Variants in ADGRV1 observed in about 807,000 individuals in gnomAD.
The protein encoded by ADGRV1 is adhesion G protein-coupled receptor V1.
In ADGRV1, 359 loss-of-function variants were observed where a neutral mutation model predicts 596.2. The ratio of observed to expected loss-of-function variants is 0.60; its 90% confidence interval spans 0.55 to 0.66. The LOEUF (loss-of-function observed/expected upper bound fraction) is 0.66, where lower values mean the gene tolerates loss of function less well. Ranked by LOEUF, ADGRV1 falls within the 30% of genes least tolerant of loss-of-function variation. The pLI is 0.00. For missense variants in ADGRV1, 7,274 were observed against 7,575.6 expected, an observed-to-expected ratio of 0.96 and a Z score of 1.48; for synonymous variants, 2,681 against 2,679.2, an observed-to-expected ratio of 1.00 and a Z score of -0.02.
intron 33 of ADGRV1, among the ~76,000 whole-genome samples, chr5:90,695,062 A>G (rs1747014580): frequency 6.6e-6 from 1 of 152,214 alleles, no homozygotes; most frequent in Non-Finnish European, 1.5e-5. Context: ...ACAACCATAC[A>G]TGTTGGTAAG....
chr5:90,642,819 T>G (rs1338796221), intron 12 of ADGRV1, 37 bp from the exon 13 acceptor site: 3 of 1,600,402 alleles, frequency 1.9e-6, no homozygotes, highest in Non-Finnish European at 2.6e-6. Context: ...AAGAATGATC[T>G]CAAAGGGTTT....
chr5:90,701,434 A>T (rs1747895003), intron 34 of ADGRV1, among the ~76,000 whole-genome samples: 1 of 152,066 alleles, frequency 6.6e-6, no homozygotes, highest in Non-Finnish European at 1.5e-5. Context: ...AAAGAGACAG[A>T]ATAAATACCT....
At chr5:91,145,285 CAA>C (rs904234805) in intron 87 of ADGRV1, among the ~76,000 whole-genome samples, 3 of 152,240 alleles carry the variant, frequency 2.0e-5, no homozygotes, top group South Asian at 2.1e-4. Context: ...TAAAAACAAA[CAA>C]GAGGGAGAAT....
intron 58 of ADGRV1, chr5:90,763,098 A>G (rs1036840853): frequency 1.5e-5 from 7 of 470,898 alleles, no homozygotes; most frequent in Admixed American, 6.7e-5. Flanking sequence ...CCTAATTGCA[A>G]GAGAAGACAG....
At chr5:90,897,640 T>G (rs2150617903) in intron 83 of ADGRV1, among the ~76,000 whole-genome samples, 1 of 152,294 alleles carries the variant, frequency 6.6e-6, no homozygotes, top group African/African-American at 2.4e-5. Flanking sequence ...TATTGTAATA[T>G]CATTCAGGAC....
intron 4 of ADGRV1, among the ~76,000 whole-genome samples, chr5:90,620,594 T>G (rs1337065226): frequency 2.0e-5 from 3 of 152,152 alleles, no homozygotes; most frequent in East Asian, 1.9e-4. Flanking sequence ...AGAAGCTCTT[T>G]AGTTTAATTA....
chr5:91,095,228 G>T (rs1002698066), intron 86 of ADGRV1, among the ~76,000 whole-genome samples: 1 of 151,690 alleles, frequency 6.6e-6, no homozygotes, highest in Non-Finnish European at 1.5e-5. Flanking sequence ...TTTACACGGG[G>T]TCTCACTCTG....
chr5:90,843,428 C>CA (rs529330156), intron 78 of ADGRV1, among the ~76,000 whole-genome samples: 244 of 9,880 alleles, frequency 0.025, no homozygotes, highest in African/African-American at 0.029. Context: ...TATTATTCAG[C>CA]AAATAGTGTT....
At position 90,644,781 on chromosome 5, in the gene ADGRV1, CACAAGATGTATTTCCTGT is replaced by C; in HGVS notation, c.2816_2833del (p.Asp939_Gln944del). 5.6e-6 allele frequency: 9 copies of C among 1,611,536 alleles called. No individual in the cohort carries two copies. Among genetic ancestry groups the C allele is most frequent in the Non-Finnish European group, 7.6e-6 (9 of 1,179,044 alleles). On this transcript the variant is annotated inframe_deletion, in exon 15 of 90. Coordinates refer to ENST00000405460, the MANE Select transcript of ADGRV1 (RefSeq NM_032119.4). Reference sequence around the variant, plus strand: ...TCATGGGTGGTTAGTCCAGACTTTACACAAGATGTATTTCCTGTACAAGGGACTGTTGTCTTTGGAGAT... The same window carrying C: ...TCATGGGTGGTTAGTCCAGACTTTACACAAGGGACTGTTGTCTTTGGAGAT...
intron 75 of ADGRV1, among the ~76,000 whole-genome samples, chr5:90,820,759 C>T (rs2150283310): frequency 6.6e-6 from 1 of 151,796 alleles, no homozygotes; most frequent in East Asian, 2.0e-4. Flanking sequence ...TCTCTTCTGG[C>T]TTGTAGGGTT....
chr5:90,966,368 T>A (rs1206689779), intron 84 of ADGRV1, among the ~76,000 whole-genome samples: 1 of 151,672 alleles, frequency 6.6e-6, no homozygotes, highest in East Asian at 1.9e-4. Flanking sequence ...CCATCTCTAC[T>A]AAAAATATTA....
intron 83 of ADGRV1, among the ~76,000 whole-genome samples, chr5:90,959,904 C>G (rs1223105517): frequency 6.6e-6 from 1 of 152,054 alleles, no homozygotes; most frequent in Non-Finnish European, 1.5e-5. Context: ...CTTTGGGAGG[C>G]TAAGGTGGGC....
chr5:91,048,507 C>T (rs1786030064), intron 85 of ADGRV1, among the ~76,000 whole-genome samples: 1 of 152,210 alleles, frequency 6.6e-6, no homozygotes, highest in Non-Finnish European at 1.5e-5. Context: ...AACTCTTCAT[C>T]CCTTCCCCTC....
chr5:91,144,202 C>G (rs1795345916), intron 87 of ADGRV1, among the ~76,000 whole-genome samples: 1 of 152,232 alleles, frequency 6.6e-6, no homozygotes, highest in African/African-American at 2.4e-5. Context: ...CAAAGCCCAG[C>G]CATACCTCCC....
intron 87 of ADGRV1, among the ~76,000 whole-genome samples, chr5:91,132,994 A>G (rs762463601): frequency 3.9e-5 from 6 of 152,168 alleles, no homozygotes; most frequent in African/African-American, 7.2e-5. Flanking sequence ...TGTTATAGGT[A>G]GTGAAGTTGC....
intron 77 of ADGRV1, among the ~76,000 whole-genome samples, chr5:90,840,204 T>C (rs1765313118): frequency 3.3e-5 from 5 of 152,154 alleles, no homozygotes; most frequent in Admixed American, 3.3e-4. Flanking sequence ...AAAATTTCTA[T>C]GTGACAGTGA....
At chr5:90,780,134 T>C (rs931929414) in intron 64 of ADGRV1, 2 of 152,224 alleles carry the variant, frequency 1.3e-5, no homozygotes, top group Non-Finnish European at 2.9e-5. Context: ...TGAGATCATA[T>C]TTGTGTTACT....
intron 83 of ADGRV1, among the ~76,000 whole-genome samples, chr5:90,930,615 T>C (rs1356915631): frequency 6.8e-6 from 1 of 147,988 alleles, no homozygotes; most frequent in Non-Finnish European, 1.5e-5. Context: ...AAAATTTTAA[T>C]TTTTAAATAC....
At chr5:91,092,439 G>T (rs1790466177) in intron 86 of ADGRV1, among the ~76,000 whole-genome samples, 1 of 152,132 alleles carries the variant, frequency 6.6e-6, no homozygotes, top group African/African-American at 2.4e-5. Flanking sequence ...GAAGTTTTTG[G>T]TGACAGTTTG....
Sources: allele counts gnomAD v4.1 joint callset (sites outside exome capture counted in the v4.1 genomes callset), GRCh38; gene constraint gnomAD v4.1.1; transcripts MANE v1.5; gene names NCBI Gene and HGNC (gene_info 2026-07-23, HGNC 2026-07-21).